Variants in ANKFN1 observed in about 807,000 individuals in gnomAD.
ANKFN1 encodes ankyrin repeat and fibronectin type III domain containing 1.
ANKFN1 carries 74 observed loss-of-function variants against 108.7 expected under a neutral mutation model. The observed-to-expected ratio is 0.68, with a 90% confidence interval of 0.56 to 0.83. ANKFN1 has a LOEUF of 0.83. ANKFN1 is among the 40% of genes least tolerant of loss of function. The pLI, the probability that ANKFN1 is intolerant of heterozygous loss-of-function variation, is 0.00. For synonymous variants in ANKFN1, 547 were observed against 516.2 expected (o/e 1.06, Z -0.81); for missense variants, 1,505 against 1,382.3 (o/e 1.09, Z -1.41).
At chr17:56,354,343 A>G (rs1416712555) in intron 6 of ANKFN1, among the ~76,000 whole-genome samples, 1 of 152,224 alleles carries the variant, frequency 6.6e-6, no homozygotes, top group Non-Finnish European at 1.5e-5. Flanking sequence ...AGGATATAGA[A>G]TAGGAGATAT....
intron 3 of ANKFN1, among the ~76,000 whole-genome samples, chr17:56,289,678 C>G (rs1375774362): frequency 6.6e-6 from 1 of 152,220 alleles, no homozygotes; most frequent in Non-Finnish European, 1.5e-5. Flanking sequence ...CTCCTCCCTT[C>G]GGGATTGCTT....
At chr17:56,368,126 T>A in intron 6 of ANKFN1, 1 of 1,266,476 alleles carries the variant, frequency 7.9e-7, no homozygotes, top group Non-Finnish European at 1.1e-6. Flanking sequence ...ACAATGAGCC[T>A]GATCACTATA....
At chr17:56,413,408 C>A (rs756913134) in intron 8 of ANKFN1, among the ~76,000 whole-genome samples, 1 of 152,208 alleles carries the variant, frequency 6.6e-6, no homozygotes, top group East Asian at 1.9e-4. Flanking sequence ...ATTTGGATGC[C>A]CTTTGTTTCT....
chr17:56,250,456 G>A (rs1445825786), intron 3 of ANKFN1, among the ~76,000 whole-genome samples: 1 of 152,198 alleles, frequency 6.6e-6, no homozygotes, highest in Non-Finnish European at 1.5e-5. Context: ...TAACTGACAT[G>A]TTCCTATCCA....
intron 4 of ANKFN1, among the ~76,000 whole-genome samples, chr17:56,117,628 C>T (rs997337958): frequency 9.9e-5 from 15 of 152,016 alleles, no homozygotes; most frequent in African/African-American, 3.4e-4. Context: ...AGGAGATAGC[C>T]AAGACGAAAA....
intron 3 of ANKFN1, among the ~76,000 whole-genome samples, chr17:56,290,875 C>A (rs936807465): frequency 6.6e-6 from 1 of 152,064 alleles, no homozygotes; most frequent in African/African-American, 2.4e-5. Flanking sequence ...CTCCCCTCCT[C>A]TGAAAATTAA....
intron 3 of ANKFN1, among the ~76,000 whole-genome samples, chr17:56,299,335 C>A (rs528771986): frequency 5.9e-5 from 9 of 152,138 alleles, no homozygotes; most frequent in East Asian, 1.9e-4. Context: ...TCCTCTCCCC[C>A]ACCCTTGGAT....
intron 3 of ANKFN1, among the ~76,000 whole-genome samples, chr17:56,244,265 A>C (rs1432264307): frequency 6.6e-6 from 1 of 152,164 alleles, no homozygotes; most frequent in Non-Finnish European, 1.5e-5. Flanking sequence ...AAGACAAGAC[A>C]ATGCCTATTC....
At chr17:56,440,794 A>T (rs1188544711) in intron 9 of ANKFN1, among the ~76,000 whole-genome samples, 3 of 151,714 alleles carry the variant, frequency 2.0e-5, no homozygotes. Context: ...GCTTCATCTC[A>T]CCCTCATGCC....
chr17:56,323,693 T>A (rs545672850), intron 3 of ANKFN1, among the ~76,000 whole-genome samples: 2 of 152,316 alleles, frequency 1.3e-5, no homozygotes, highest in South Asian at 4.1e-4. Context: ...TTTCCCATTA[T>A]TACTTGAGGT....
intron 3 of ANKFN1, among the ~76,000 whole-genome samples, chr17:56,288,588 G>A (rs1369851986): frequency 6.6e-6 from 1 of 152,072 alleles, no homozygotes; most frequent in Non-Finnish European, 1.5e-5. Flanking sequence ...AATATGTAGT[G>A]TGATTCCACT....
At chr17:56,121,798 C>A (rs914690124) in intron 4 of ANKFN1, among the ~76,000 whole-genome samples, 1 of 152,144 alleles carries the variant, frequency 6.6e-6, no homozygotes, top group Non-Finnish European at 1.5e-5. Flanking sequence ...ATAGCAGAAA[C>A]AAGAATCAAT....
chr17:56,222,514 T>C (rs1046285673), intron 2 of ANKFN1, among the ~76,000 whole-genome samples: 3 of 152,110 alleles, frequency 2.0e-5, no homozygotes, highest in Non-Finnish European at 1.5e-5. Context: ...TGTGAGATAG[T>C]CTTAAAGAAA....
At position 56,498,951 on chromosome 17, in the gene ANKFN1, C is replaced by T; in HGVS notation, c.2497C>T (p.Pro833Ser). ...TCTACAGTATGCAAGATACAAACAA[C>T]CAGTTTCTGGCTTGCCCATCACTAA... ...DALQYARYKQ[P>S]VSGLPITKLI... The change falls in exon 20 of 21, where the codon CCA (proline) becomes TCA (serine). Residue 833 changes from proline to serine, a missense_variant. Pro to Ser is a moderately conservative substitution (Grantham distance 74). Coordinates refer to ENST00000682825, the MANE Select transcript of ANKFN1 (RefSeq NM_001370326.1). 5.2e-6 allele frequency: 8 copies of T among 1,535,686 alleles called. No homozygotes were observed. Among genetic ancestry groups the T allele is most frequent in the Non-Finnish European group, 6.1e-6 (7 of 1,146,612 alleles).
intron 4 of ANKFN1, among the ~76,000 whole-genome samples, chr17:56,132,852 C>T (rs1047384950): frequency 6.6e-6 from 1 of 152,020 alleles, no homozygotes; most frequent in African/African-American, 2.4e-5. Flanking sequence ...GAAGCTCTCC[C>T]GACCTAATCA....
Position 56,055,566 on chromosome 17 carries a change from C to CATATATATACAT in ANKFN1, c.288+9250_288+9251insCATATATATATA, listed in dbSNP as rs1555588764. The stretch of plus-strand genomic sequence containing the variant: ...TATATGTGTGTGTGTGGTATATATA[C>CATATATATACAT]ATATATATATATATATATATATGTA... On this transcript the variant is annotated intron_variant, in intron 4 of 12. Transcript: ENST00000635860. Among the ~76,000 whole-genome samples, 14 of 47,458 alleles carry CATATATATACAT rather than the reference C, an allele frequency of 2.9e-4. 1 individual carries two copies. Among genetic ancestry groups the CATATATATACAT allele is most frequent in the Admixed American group, 1.1e-3 (5 of 4,432 alleles). The allele number at this position is 47,458 out of a possible 152,430, so 31.1% of individuals were successfully genotyped here.
At chr17:56,176,762 G>C (rs1221017633) in intron 1 of ANKFN1, among the ~76,000 whole-genome samples, 2 of 152,114 alleles carry the variant, frequency 1.3e-5, no homozygotes, top group African/African-American at 2.4e-5. Context: ...TGAAGCAAAG[G>C]ACAAAGATGA....
At chr17:56,459,271 C>T (rs1466557480) in intron 14 of ANKFN1, among the ~76,000 whole-genome samples, 7 of 152,004 alleles carry the variant, frequency 4.6e-5, no homozygotes, top group Non-Finnish European at 2.9e-5. Context: ...CTACCACACC[C>T]GGCTAATTTT....
intron 6 of ANKFN1, among the ~76,000 whole-genome samples, chr17:56,363,132 G>A (rs2046568046): frequency 1.3e-5 from 2 of 152,102 alleles, no homozygotes; most frequent in Admixed American, 6.6e-5. Context: ...GCTGAGGCAG[G>A]AGAATCGCTT....
Sources: allele counts gnomAD v4.1 joint callset (sites outside exome capture counted in the v4.1 genomes callset), GRCh38; gene constraint gnomAD v4.1.1; transcripts MANE v1.5; gene names NCBI Gene and HGNC (gene_info 2026-07-23, HGNC 2026-07-21).